Variants in PRKAR1B observed in about 807,000 individuals in gnomAD.
PRKAR1B encodes the protein cAMP-dependent protein kinase type I-beta regulatory subunit.
In PRKAR1B, 22 loss-of-function variants were observed where a neutral mutation model predicts 46.5. The ratio of observed to expected loss-of-function variants is 0.47; its 90% CI spans 0.34 to 0.68. The LOEUF is 0.68. PRKAR1B is among the 30% of genes least tolerant of loss of function. The pLI is 0.01. For synonymous variants in PRKAR1B, 259 were observed against 217.7 expected (o/e 1.19, Z -1.67); for missense variants, 445 against 535.6 (o/e 0.83, Z 1.67).
intron 1 of PRKAR1B, among the ~76,000 whole-genome samples, chr7:719,286 C>T (rs996876964): frequency 3.3e-5 from 5 of 151,956 alleles, no homozygotes; most frequent in Non-Finnish European, 5.9e-5. Context: ...GTGATCCACC[C>T]GCCTTAGCCT....
intron 2 of PRKAR1B, among the ~76,000 whole-genome samples, chr7:697,852 A>G (rs1033420776): frequency 2.1e-5 from 3 of 144,044 alleles, no homozygotes; most frequent in African/African-American, 7.7e-5. Flanking sequence ...CATAGAGAGT[A>G]TAGCAAACAA....
chr7:713,474 C>A (rs537874226), intron 1 of PRKAR1B, among the ~76,000 whole-genome samples: 2 of 152,068 alleles, frequency 1.3e-5, no homozygotes, highest in Non-Finnish European at 2.9e-5. Context: ...CACACCATCT[C>A]CCACTCACCC....
chr7:581,038 T>G (rs932989719), intron 8 of PRKAR1B, among the ~76,000 whole-genome samples: 1 of 152,086 alleles, frequency 6.6e-6, no homozygotes, highest in African/African-American at 2.4e-5. Context: ...GCGCGGTGGC[T>G]CACGCCTGTA....
intron 9 of PRKAR1B, among the ~76,000 whole-genome samples, chr7:559,909 C>G (rs563069948): frequency 1.3e-5 from 2 of 152,292 alleles, no homozygotes; most frequent in South Asian, 4.1e-4. Flanking sequence ...GACCCCATCT[C>G]TACAAAAAGT....
chr7:593,349 G>C lies in PRKAR1B; in HGVS notation c.708+2797C>G, dbSNP rs1243028910. Reference sequence around the variant, plus strand: ...TAAGGCAGAAACAGGAGCTGTGTGAGGAGCTCGGGGCCAATACAGAAACAG... The same window carrying C: ...TAAGGCAGAAACAGGAGCTGTGTGACGAGCTCGGGGCCAATACAGAAACAG... On this transcript the variant is annotated intron_variant, in intron 7 of 10. Transcript: ENST00000537384. This position sits in a 1 kb window ranked among gnomAD's most constrained non-coding sequence, Gnocchi z 6.1. 6.6e-6 allele frequency among the ~76,000 whole-genome samples: 1 copy of C among 152,142 alleles called. No individual in the cohort carries two copies. Among genetic ancestry groups the C allele is most frequent in the Admixed American group, 6.5e-5 (1 of 15,282 alleles).
chr7:692,865 G>A lies in PRKAR1B; in HGVS notation c.178-12139C>T, dbSNP rs7776545. Among the ~76,000 whole-genome samples, 1,100 of 152,238 alleles carry A rather than the reference G, an allele frequency of 7.2e-3. 18 individuals carry two copies. The highest frequency in any genetic ancestry group is 0.058 in the East Asian group (301 of 5,174). Reference sequence around the variant, plus strand: ...TCTCAACCCCATAGTAGGAAAACCTGGGGCTTCATCCCAGATGCCCTGCAG... The same window carrying A: ...TCTCAACCCCATAGTAGGAAAACCTAGGGCTTCATCCCAGATGCCCTGCAG... On this transcript the variant is annotated intron_variant, in intron 2 of 10. Transcript: ENST00000537384.
At chr7:600,801 T>A (rs1353203175) in intron 6 of PRKAR1B, among the ~76,000 whole-genome samples, 1 of 152,190 alleles carries the variant, frequency 6.6e-6, no homozygotes, top group African/African-American at 2.4e-5. Flanking sequence ...GGAAGGGAGC[T>A]ACGTTCCCAG....
chr7:556,420 G>C (rs140135520), intron 9 of PRKAR1B, among the ~76,000 whole-genome samples: 1 of 151,938 alleles, frequency 6.6e-6, no homozygotes, highest in Non-Finnish European at 1.5e-5. Flanking sequence ...GCAACCGGCG[G>C]CCTTCGGATA....
At chr7:656,793 ATGAG>A (rs1398601069) in intron 4 of PRKAR1B, among the ~76,000 whole-genome samples, 11 of 152,230 alleles carry the variant, frequency 7.2e-5, no homozygotes, top group African/African-American at 2.7e-4. Flanking sequence ...GAATGGATGC[ATGAG>A]TGAATGTGTG....
At chr7:550,682 G>C in intron 10 of PRKAR1B, 80 bp from the exon 11 acceptor site, 1 of 1,244,712 alleles carries the variant, frequency 8.0e-7, no homozygotes, top group South Asian at 1.6e-5. Context: ...CCAGGACCCT[G>C]GAAGCGGCTC....
At chr7:605,777 G>T (rs1782000885) in intron 6 of PRKAR1B, among the ~76,000 whole-genome samples, 1 of 152,166 alleles carries the variant, frequency 6.6e-6, no homozygotes, top group Non-Finnish European at 1.5e-5. Flanking sequence ...GAAGTCGTCG[G>T]TCCTAGGGGG....
At position 588,547 on chromosome 7, in the gene PRKAR1B, C is replaced by CAGT. The variant is rs1562541649; in HGVS notation, c.709-3980_709-3979insACT. On this transcript the variant is annotated intron_variant, in intron 7 of 10. Coordinates refer to ENST00000537384, the MANE Select transcript of PRKAR1B (RefSeq NM_001164760.2). ...GTGGTGACGGTGGTGATGGTGGTGA[C>CAGT]GGTGGTGATGGTGGTGATGTTGGTG... Among the ~76,000 whole-genome samples the CAGT allele has an allele frequency of 4.5e-3, 22 of 4,914 alleles. 3 individuals are homozygous for CAGT. Among genetic ancestry groups the CAGT allele is most frequent in the African/African-American group, 0.016 (18 of 1,142 alleles). The allele number at this position is 4,914 out of a possible 152,430, so 3.2% of individuals were successfully genotyped here. A position where few individuals can be genotyped will look rare whatever the true frequency, so the allele number is the denominator to read the frequency against.
chr7:622,246 G>C (rs1359302852), intron 4 of PRKAR1B, among the ~76,000 whole-genome samples: 2 of 152,196 alleles, frequency 1.3e-5, no homozygotes, highest in Admixed American at 1.3e-4. Context: ...CTGCACCTCA[G>C]ACCCGAGCAC....
At chr7:564,265 G>A (rs1476861058) in intron 9 of PRKAR1B, among the ~76,000 whole-genome samples, 1 of 152,132 alleles carries the variant, frequency 6.6e-6, no homozygotes, top group African/African-American at 2.4e-5. Context: ...GGCCAGGGTG[G>A]GACACAGGCC....
chr7:563,594 GTTA>G (rs1056725646), intron 9 of PRKAR1B, among the ~76,000 whole-genome samples: 9 of 152,036 alleles, frequency 5.9e-5, no homozygotes, highest in African/African-American at 1.2e-4. Context: ...GTATGGGTGT[GTTA>G]TTGTGTGCAC....
At chr7:558,722 A>C (rs539609809) in intron 9 of PRKAR1B, among the ~76,000 whole-genome samples, 1 of 152,292 alleles carries the variant, frequency 6.6e-6, no homozygotes, top group Admixed American at 6.5e-5. Flanking sequence ...ACTGCACTCC[A>C]GCCTGGGCAA....
chr7:629,999 G>T (rs1236140205), intron 4 of PRKAR1B, among the ~76,000 whole-genome samples: 1 of 139,456 alleles, frequency 7.2e-6, no homozygotes, highest in African/African-American at 2.7e-5. Context: ...CAGGAGCGGG[G>T]CCACGGCCTC....
chr7:662,190 C>G (rs1157844043), intron 4 of PRKAR1B, among the ~76,000 whole-genome samples: 1 of 102,716 alleles, frequency 9.7e-6, no homozygotes, highest in African/African-American at 4.0e-5. Context: ...TACCTACTCT[C>G]CCCCCCATGG....
In PRKAR1B at chr7:550,351, G is replaced by A. The variant is rs569704076; in HGVS notation, c.*79C>T. The A allele has an allele frequency of 2.0e-5, 28 of 1,388,210 alleles. No homozygotes were observed. In the East Asian group the frequency reaches 2.5e-4, roughly 12 times the overall value. 86.0% of individuals were successfully genotyped at this position (1,388,210 alleles called of 1,614,324 possible). ...CCACCCGGCCCACACCTCACACAGC[G>A]GCTCCCGGGCCCCCGACACAGACGA... On this transcript the variant is annotated 3_prime_UTR_variant, in exon 11 of 11. Coordinates refer to ENST00000537384, the MANE Select transcript of PRKAR1B (RefSeq NM_001164760.2).
Sources: gnomAD v4.1 joint callset for allele counts (sites outside exome capture counted in the v4.1 genomes callset) on GRCh38, gnomAD v4.1.1 for gene constraint, Gnocchi (gnomAD v3.1) non-coding constraint, MANE v1.5 for transcripts, NCBI Gene and HGNC (gene_info 2026-07-23, HGNC 2026-07-21) for gene names.